UCHL5: variants seen among roughly 807,000 people sequenced by gnomAD.
UCHL5 encodes ubiquitin C-terminal hydrolase L5, also known as ubiquitin carboxyl-terminal hydrolase isozyme L5.
Under a neutral mutation model 53.8 loss-of-function variants are expected in UCHL5, and 34 were observed. The observed-to-expected ratio is 0.63, with a 90% CI of 0.48 to 0.84. The LOEUF (loss-of-function observed/expected upper bound fraction) is 0.84. Ranked by LOEUF, UCHL5 falls within the 40% of genes least tolerant of loss-of-function variation. The pLI, the probability that UCHL5 is intolerant of heterozygous loss-of-function variation, is 0.00. For synonymous variants in UCHL5, 111 were observed against 126.3 expected (o/e 0.88, Z 0.81); for missense variants, 290 against 385.6 (o/e 0.75, Z 2.08).
rs139595729 is a variant in UCHL5 at position 193,029,239 on chromosome 1, C to G, written c.505G>C (p.Val169Leu). Residue 169 changes from valine (V) to leucine (L), a missense_variant, in exon 6 of 11, where the codon GTT (valine) becomes CTT (leucine). Coordinates refer to ENST00000367454, the MANE Select transcript of UCHL5 (RefSeq NM_001199261.3). ...TCATACAGTCTCCCATTAACAGGAACATAACTGACAAAGTGAAAAGCATCT... is the reference window on the plus strand; with the variant it reads ...TCATACAGTCTCCCATTAACAGGAAGATAACTGACAAAGTGAAAAGCATCT... ...EEDAFHFVSYVPVNGRLYELD... is the reference protein window; with the variant it reads ...EEDAFHFVSYLPVNGRLYELD... 7.7e-5 allele frequency: 124 copies of G among 1,613,834 alleles called. No homozygotes were observed. In the African/African-American group the frequency reaches 1.5e-3, roughly 19 times the overall value.
chr1:193,027,968 A>G lies in UCHL5; in HGVS notation c.629+117T>C, dbSNP rs778904619. On this transcript the variant is annotated intron_variant, in intron 7 of 10. Transcript: ENST00000367454. ...TGAAAACCCGTCTCTACGAAAAATT[A>G]AAAAGAAAAAAAAAAGTAGATGTTC... 7 of 1,527,272 alleles carry G rather than the reference A, an allele frequency of 4.6e-6. No homozygotes were observed. In the East Asian group the frequency reaches 1.2e-4, roughly 27 times the overall value. The allele number at this position is 1,527,272 out of a possible 1,614,324, so 94.6% of individuals were successfully genotyped here.
chr1:193,040,680 A>G (rs2102666435), intron 3 of UCHL5, among the ~76,000 whole-genome samples: 1 of 152,348 alleles, frequency 6.6e-6, no homozygotes, highest in East Asian at 1.9e-4. Context: ...TATCAAAGAG[A>G]TATCTGCACT....
chr1:193,037,258 AAAAG>A (rs1344932604), intron 3 of UCHL5, among the ~76,000 whole-genome samples: 19 of 152,212 alleles, frequency 1.2e-4, no homozygotes, highest in African/African-American at 3.1e-4. Context: ...AGGCTAAGAA[AAAAG>A]AAAGACGATC....
At chr1:193,046,250 CA>C (rs1236280630) in intron 3 of UCHL5, among the ~76,000 whole-genome samples, 2 of 152,134 alleles carry the variant, frequency 1.3e-5, no homozygotes, top group East Asian at 3.9e-4. Flanking sequence ...AGGCTGGTCT[CA>C]AACTCCTGGG....
At position 193,059,030 on chromosome 1, in the gene UCHL5, G is replaced by A. The variant is rs1671841031; in HGVS notation, c.76+155C>T. Among the ~76,000 whole-genome samples, 1 of 152,216 alleles carries A rather than the reference G, an allele frequency of 6.6e-6. No individual in the cohort carries two copies. The highest frequency in any genetic ancestry group is 6.5e-5 in the Admixed American group (1 of 15,290). ...AAACGCGACTGTCTCGAGCTGAGGA[G>A]AGGGCAGAACATCTACATTTCCCCC... On this transcript the variant is annotated intron_variant, in intron 1 of 10. Transcript: ENST00000367454. The surrounding 1 kb of genome is among the most constrained non-coding windows in gnomAD (Gnocchi z 4.9).
At chr1:193,027,360 C>T (rs910600954) in intron 7 of UCHL5, among the ~76,000 whole-genome samples, 1 of 152,024 alleles carries the variant, frequency 6.6e-6, no homozygotes, top group South Asian at 2.1e-4. Context: ...AAAAATAAAA[C>T]TCTACAAAAT....
intron 7 of UCHL5, among the ~76,000 whole-genome samples, chr1:193,025,834 A>G (rs941565935): frequency 6.6e-6 from 1 of 152,212 alleles, no homozygotes; most frequent in Non-Finnish European, 1.5e-5. Context: ...GAGGAACTAT[A>G]GTAGTTAAAA....
At chr1:193,034,228 C>T (rs1180805381) in intron 3 of UCHL5, among the ~76,000 whole-genome samples, 1 of 151,746 alleles carries the variant, frequency 6.6e-6, no homozygotes, top group Non-Finnish European at 1.5e-5. Flanking sequence ...CATAAAACCA[C>T]TATCACACAA....
intron 3 of UCHL5, among the ~76,000 whole-genome samples, chr1:193,041,636 G>C (rs1025954293): frequency 6.6e-6 from 1 of 152,114 alleles, no homozygotes; most frequent in African/African-American, 2.4e-5. Flanking sequence ...GTATACACCA[G>C]GAGAAACTTG....
chr1:193,034,420 A>G (rs1237366613), intron 3 of UCHL5, among the ~76,000 whole-genome samples: 1 of 152,088 alleles, frequency 6.6e-6, no homozygotes, highest in Non-Finnish European at 1.5e-5. Flanking sequence ...AAGAGCCACA[A>G]TAGTCCCTTA....
chr1:193,028,177 C>A, intron 6 of UCHL5, 29 bp from the exon 7 acceptor site: 3 of 1,533,492 alleles, frequency 2.0e-6, no homozygotes, highest in South Asian at 1.3e-5. Flanking sequence ...ACAGTTAACA[C>A]AAATAAAAAT....
chr1:193,022,690 T>C (rs1363479019), intron 9 of UCHL5, among the ~76,000 whole-genome samples: 1 of 143,710 alleles, frequency 7.0e-6, no homozygotes, highest in Admixed American at 6.9e-5. Context: ...AAAGGAATAA[T>C]AACTACAGTG....
At chr1:193,027,143 G>GCTGTATCTTTTGCTGTAT (rs1659574151) in intron 7 of UCHL5, among the ~76,000 whole-genome samples, 2 of 152,274 alleles carry the variant, frequency 1.3e-5, no homozygotes, top group African/African-American at 2.4e-5. Flanking sequence ...TTTGTGGAGA[G>GCTGTATCTTTTGCTGTAT]CAAATTTTGC....
At chr1:193,044,874 T>A (rs1483703737) in intron 3 of UCHL5, among the ~76,000 whole-genome samples, 1 of 152,172 alleles carries the variant, frequency 6.6e-6, no homozygotes, top group Non-Finnish European at 1.5e-5. Flanking sequence ...TATTGACCTG[T>A]CAGTTTAATA....
At chr1:193,022,871 T>G in intron 9 of UCHL5, 55 bp downstream of exon 9, 1 of 1,266,264 alleles carries the variant, frequency 7.9e-7, no homozygotes, top group Non-Finnish European at 1.1e-6. Context: ...ACCTTCATCT[T>G]GAAATATACT....
At chr1:193,027,989 T>C (rs758619232) in intron 7 of UCHL5, 96 bp downstream of exon 7, 2 of 1,555,902 alleles carry the variant, frequency 1.3e-6, no homozygotes, top group Non-Finnish European at 1.7e-6. Context: ...AAAAAGTAGA[T>C]GTTCAATGCA....
intron 10 of UCHL5, chr1:193,020,510 T>G (rs1656596284): frequency 7.0e-7 from 1 of 1,423,634 alleles, no homozygotes; most frequent in Non-Finnish European, 9.3e-7. Flanking sequence ...GATGTTCACT[T>G]TCAGAAACAC....
At chr1:193,041,570 T>C (rs1665580606) in intron 3 of UCHL5, among the ~76,000 whole-genome samples, 1 of 152,216 alleles carries the variant, frequency 6.6e-6, no homozygotes, top group Non-Finnish European at 1.5e-5. Context: ...CGTTTGGATA[T>C]TTCCTTCAAA....
chr1:193,059,051 C>T lies in UCHL5; in HGVS notation c.76+134G>A. 1 of 867,520 alleles carries T rather than the reference C, an allele frequency of 1.2e-6. No individual in the cohort carries two copies. Among genetic ancestry groups the T allele is most frequent in the Non-Finnish European group, 1.7e-6 (1 of 576,598 alleles). The allele number at this position is 867,520 out of a possible 1,614,324, so 53.7% of individuals were successfully genotyped here. On this transcript the variant is annotated intron_variant, in intron 1 of 10. Coordinates refer to ENST00000367454, the MANE Select transcript of UCHL5 (RefSeq NM_001199261.3). The surrounding 1 kb of genome is among the most constrained non-coding windows in gnomAD (Gnocchi z 4.9). ...AGGAGAGGGCAGAACATCTACATTTCCCCCACCCGGACTCCAGGTTCCTGA... is the reference window on the plus strand; with the variant it reads ...AGGAGAGGGCAGAACATCTACATTTTCCCCACCCGGACTCCAGGTTCCTGA...
Sources: allele counts gnomAD v4.1 joint callset (sites outside exome capture counted in the v4.1 genomes callset), GRCh38; gene constraint gnomAD v4.1.1; non-coding constraint Gnocchi (gnomAD v3.1); transcripts MANE v1.5; gene names NCBI Gene and HGNC (gene_info 2026-07-23, HGNC 2026-07-21).